AFG3L2: variants seen among roughly 807,000 people sequenced by gnomAD.
The protein encoded by AFG3L2 is AFG3 like matrix AAA peptidase subunit 2, also known as mitochondrial inner membrane m-AAA protease component AFG3L2.
AFG3L2 carries 54 observed loss-of-function variants against 94.5 expected under a neutral mutation model. The observed-to-expected ratio is 0.57, with a 90% CI of 0.46 to 0.72. The LOEUF (loss-of-function observed/expected upper bound fraction) is 0.72. Among genes scored for constraint, AFG3L2 ranks in the 30% least tolerant of loss-of-function variants. The pLI, the probability that AFG3L2 is intolerant of heterozygous loss-of-function variation, is 0.00. For synonymous variants in AFG3L2, 377 were observed against 365.5 expected (o/e 1.03, Z -0.36); for missense variants, 754 against 994.9 (o/e 0.76, Z 3.26).
intron 2 of AFG3L2, 84 bp downstream of exon 2, chr18:12,371,508 T>G: frequency 9.7e-7 from 1 of 1,034,298 alleles, no homozygotes; most frequent in Non-Finnish European, 1.5e-6. Context: ...AGACATAAGT[T>G]GGAGGCAGGG....
chr18:12,367,906 C>A (rs1436395911), intron 3 of AFG3L2, among the ~76,000 whole-genome samples: 1 of 152,162 alleles, frequency 6.6e-6, no homozygotes, highest in Non-Finnish European at 1.5e-5. Context: ...CGGTGGTTCA[C>A]GCCTGTAATC....
intron 9 of AFG3L2, 105 bp from the exon 10 acceptor site, chr18:12,353,263 C>A: frequency 7.1e-7 from 1 of 1,409,968 alleles, no homozygotes; most frequent in Non-Finnish European, 9.8e-7. Flanking sequence ...GCCTGTAATC[C>A]CAGCACTGTG....
Position 12,343,116 on chromosome 18 carries a change from A to G in AFG3L2, c.1779+1016T>C, listed in dbSNP as rs1014652083. On this transcript the variant is annotated intron_variant, in intron 14 of 16. Transcript: ENST00000269143. ...GCAAAGTCCACCTCTATTTTTATTT[A>G]GGGCTTGTTATCAATGTGCATGTCC... 3.3e-5 allele frequency: 5 copies of G among 152,190 alleles called. No homozygotes were observed. In the East Asian group the frequency reaches 9.6e-4, roughly 29 times the overall value. The allele number at this position is 152,190 out of a possible 1,614,324, so 9.4% of individuals were successfully genotyped here. A position where few individuals can be genotyped will look rare whatever the true frequency, so the allele number is the denominator to read the frequency against.
In AFG3L2 at chr18:12,329,161, G is replaced by C; in HGVS notation, c.*404C>G. ...AATTTCACAGCCCATCTGCACAGGG[G>C]AACTGAGGAGAAACAGGAATGAAGA... On this transcript the variant is annotated 3_prime_UTR_variant, in exon 17 of 17. Coordinates refer to ENST00000269143, the MANE Select transcript of AFG3L2 (RefSeq NM_006796.3). The C allele has an allele frequency of 1.4e-6, 1 of 702,942 alleles. No individual in the cohort carries two copies. Among genetic ancestry groups the C allele is most frequent in the East Asian group, 2.7e-5 (1 of 37,286 alleles). 43.5% of individuals were successfully genotyped at this position (702,942 alleles called of 1,614,324 possible). A position where few individuals can be genotyped will look rare whatever the true frequency, so the allele number is the denominator to read the frequency against.
At chr18:12,359,770 C>T (rs1331530548) in intron 7 of AFG3L2, among the ~76,000 whole-genome samples, 157 bp downstream of exon 7, 1 of 151,954 alleles carries the variant, frequency 6.6e-6, no homozygotes, top group Non-Finnish European at 1.5e-5. Context: ...ATGAGTCATG[C>T]AAAAACTAGT....
At chr18:12,340,529 T>C in intron 14 of AFG3L2, 128 bp from the exon 15 acceptor site, 1 of 779,788 alleles carries the variant, frequency 1.3e-6, no homozygotes, top group South Asian at 1.4e-5. Flanking sequence ...TCAGCCTTAG[T>C]GGGATGTGAT....
chr18:12,340,291 A>G lies in AFG3L2; in HGVS notation c.1890T>C (p.Gly630=). ...AGAAGATTTCTTCAGAGACTCGACC[A>G]CCTAAAGTCATACACATCCTATCCA... ...QLLDRMCMTL[G]GRVSEEIFFG... is the part of the protein sequence containing the mutation. The change falls in exon 15 of 17, where the codon GGT becomes GGC. Residue 630 remains glycine, a synonymous_variant. Coordinates refer to ENST00000269143, the MANE Select transcript of AFG3L2 (RefSeq NM_006796.3). 1 of 1,614,154 alleles carries G rather than the reference A, an allele frequency of 6.2e-7. No homozygotes were observed. The highest frequency in any genetic ancestry group is 8.5e-7 in the Non-Finnish European group (1 of 1,180,022).
At chr18:12,353,893 G>A (rs1240650470) in intron 9 of AFG3L2, among the ~76,000 whole-genome samples, 3 of 152,096 alleles carry the variant, frequency 2.0e-5, no homozygotes, top group African/African-American at 4.8e-5. Context: ...GGCTACTAAG[G>A]AGTCTATGCA....
At chr18:12,360,332 C>T (rs532473933) in intron 6 of AFG3L2, 27 of 381,148 alleles carry the variant, frequency 7.1e-5, no homozygotes, top group Non-Finnish European at 1.2e-4. Flanking sequence ...TATTTGAAAA[C>T]GTAATCCTTT....
At chr18:12,338,477 A>G (rs1907826617) in intron 15 of AFG3L2, among the ~76,000 whole-genome samples, 1 of 152,140 alleles carries the variant, frequency 6.6e-6, no homozygotes, top group Admixed American at 6.6e-5. Context: ...AAAACTAACC[A>G]GCACCACAAA....
chr18:12,354,563 C>T (rs894741058), intron 9 of AFG3L2, among the ~76,000 whole-genome samples: 1 of 152,204 alleles, frequency 6.6e-6, no homozygotes, highest in African/African-American at 2.4e-5. Flanking sequence ...ATGTGGCTCT[C>T]GGTCTCTCAG....
At chr18:12,350,409 A>C (rs980605393) in intron 12 of AFG3L2, among the ~76,000 whole-genome samples, 12 of 151,898 alleles carry the variant, frequency 7.9e-5, no homozygotes, top group African/African-American at 2.9e-4. Context: ...AGTTAACTTT[A>C]TTTCAATAGA....
At chr18:12,366,832 A>G in intron 5 of AFG3L2, 133 bp downstream of exon 5, 2 of 1,273,404 alleles carry the variant, frequency 1.6e-6, no homozygotes, top group Non-Finnish European at 2.3e-6. Flanking sequence ...TCTCAGCATT[A>G]GAAAAATCTG....
At chr18:12,365,796 T>G (rs540648455) in intron 5 of AFG3L2, among the ~76,000 whole-genome samples, 1 of 152,234 alleles carries the variant, frequency 6.6e-6, no homozygotes, top group South Asian at 2.1e-4. Context: ...AACCCAAGTA[T>G]TAAGAGGTTA....
At chr18:12,348,918 C>T (rs1908227218) in intron 12 of AFG3L2, among the ~76,000 whole-genome samples, 1 of 152,184 alleles carries the variant, frequency 6.6e-6, no homozygotes, top group Admixed American at 6.5e-5. Flanking sequence ...AAATAAGCTA[C>T]AGCATACCAT....
At chr18:12,335,570 A>C (rs1018348211) in intron 16 of AFG3L2, among the ~76,000 whole-genome samples, 3 of 152,136 alleles carry the variant, frequency 2.0e-5, no homozygotes, top group African/African-American at 7.2e-5. Context: ...GTACATCCTC[A>C]ACCTTGACGA....
intron 13 of AFG3L2, among the ~76,000 whole-genome samples, chr18:12,345,929 G>A (rs915412750): frequency 1.3e-5 from 2 of 152,038 alleles, no homozygotes; most frequent in African/African-American, 2.4e-5. Context: ...ACCTATCCCC[G>A]GCAAACCACA....
intron 9 of AFG3L2, among the ~76,000 whole-genome samples, chr18:12,353,514 C>CAAAAAAAAAAAAAAAAAAAAAAAAAA (rs71172076): frequency 1.2e-5 from 1 of 81,062 alleles, no homozygotes; most frequent in South Asian, 4.5e-4. Flanking sequence ...AATTCTGTCT[C>CAAAAAAAAAAAAAAAAAAAAAAAAAA]AAAAAAAAAA....
At chr18:12,339,610 C>T (rs543730913) in intron 15 of AFG3L2, among the ~76,000 whole-genome samples, 3 of 149,866 alleles carry the variant, frequency 2.0e-5, no homozygotes, top group African/African-American at 7.4e-5. Context: ...AATCCCAGCA[C>T]TTTGGGAGGC....
Sources: gnomAD v4.1 joint callset for allele counts (sites outside exome capture counted in the v4.1 genomes callset) on GRCh38, gnomAD v4.1.1 for gene constraint, MANE v1.5 for transcripts, NCBI Gene and HGNC (gene_info 2026-07-23, HGNC 2026-07-21) for gene names.